Variants in ITGA9 observed in about 807,000 individuals in gnomAD.
ITGA9 encodes the protein integrin subunit alpha 9.
A neutral mutation model predicts 127.8 loss-of-function variants in ITGA9; 56 were observed. That is an observed-to-expected ratio of 0.44 (90% CI 0.35 to 0.55). The LOEUF is 0.55. Ranked by LOEUF, ITGA9 falls within the 20% of genes least tolerant of loss-of-function variation. The pLI is 0.00. For synonymous variants in ITGA9, 508 were observed against 514.5 expected (o/e 0.99, Z 0.17); for missense variants, 1,196 against 1,347.1 (o/e 0.89, Z 1.76).
intron 15 of ITGA9, among the ~76,000 whole-genome samples, chr3:37,547,730 T>C (rs944990873): frequency 5.3e-5 from 8 of 152,170 alleles, no homozygotes; most frequent in African/African-American, 1.9e-4. Flanking sequence ...AAAAAACAGT[T>C]GCAGGGTTTG....
At chr3:37,660,658 C>G (rs935137155) in intron 17 of ITGA9, among the ~76,000 whole-genome samples, 8 of 152,094 alleles carry the variant, frequency 5.3e-5, no homozygotes, top group Non-Finnish European at 1.0e-4. Flanking sequence ...CCATATGTAT[C>G]AGCTACCAAT....
chr3:37,521,645 G>C (rs9877204), intron 11 of ITGA9, among the ~76,000 whole-genome samples: 5,474 of 152,238 alleles, frequency 0.036, 306 homozygotes, highest in African/African-American at 0.12. Context: ...GATAACTTAA[G>C]CCTGCATCAC....
Position 37,553,171 on chromosome 3 carries a change from A to G in ITGA9, c.1689+10586A>G, listed in dbSNP as rs1043384336. ...TATTCGTACTTCTTACCTGTTTGAG[A>G]GTAAGTCGGAGACGCGATGCCCCCT... On this transcript the variant is annotated intron_variant, in intron 15 of 27. Transcript: ENST00000264741. 3.7e-4 allele frequency among the ~76,000 whole-genome samples: 56 copies of G among 152,196 alleles called. 1 individual carries two copies. The highest frequency in any genetic ancestry group is 1.6e-4 in the Non-Finnish European group (11 of 68,044).
intron 9 of ITGA9, among the ~76,000 whole-genome samples, chr3:37,515,547 G>A (rs1187120172): frequency 1.3e-5 from 2 of 152,174 alleles, no homozygotes; most frequent in Non-Finnish European, 2.9e-5. Flanking sequence ...AGACCAGCCT[G>A]GCCAACATGG....
chr3:37,621,098 C>T lies in ITGA9; in HGVS notation c.1690-8089C>T, dbSNP rs979369509. Among the ~76,000 whole-genome samples, 5 of 151,412 alleles carry T rather than the reference C, an allele frequency of 3.3e-5. No individual in the cohort carries two copies. In the South Asian group the frequency reaches 1.0e-3, roughly 31 times the overall value. On this transcript the variant is annotated intron_variant, in intron 15 of 27. Coordinates refer to ENST00000264741, the MANE Select transcript of ITGA9 (RefSeq NM_002207.3). ...AATCATGGGGGTGATTTTCCCCATA[C>T]TGTTCTTATGGTAGTGAATAAGTCT... is the stretch of plus-strand genomic sequence containing the variant.
At chr3:37,664,513 C>T (rs554549058) in intron 17 of ITGA9, among the ~76,000 whole-genome samples, 46 of 151,014 alleles carry the variant, frequency 3.0e-4, no homozygotes, top group Admixed American at 1.3e-3. Flanking sequence ...CTCCACCTCC[C>T]GGGCTCAAGC....
chr3:37,635,652 T>C (rs1377059577), intron 16 of ITGA9, among the ~76,000 whole-genome samples: 7 of 152,182 alleles, frequency 4.6e-5, no homozygotes, highest in Admixed American at 4.6e-4. Flanking sequence ...TATTATACTT[T>C]AAGTTTTAGG....
chr3:37,810,508 C>T (rs980777343), intron 27 of ITGA9, among the ~76,000 whole-genome samples: 6 of 152,026 alleles, frequency 3.9e-5, no homozygotes, highest in Admixed American at 2.0e-4. Context: ...CTCCGCCTCC[C>T]GGGTTCAAGC....
intron 17 of ITGA9, among the ~76,000 whole-genome samples, chr3:37,656,134 C>T (rs1575182431): frequency 1.3e-5 from 2 of 152,252 alleles, no homozygotes; most frequent in Admixed American, 6.5e-5. Flanking sequence ...CATGATGCCT[C>T]CAGCTTTGTT....
chr3:37,460,170 A>G (rs1698301418), intron 1 of ITGA9, among the ~76,000 whole-genome samples: 1 of 152,164 alleles, frequency 6.6e-6, no homozygotes, highest in African/African-American at 2.4e-5. Context: ...GAATTGGGGA[A>G]GGTAGCCATG....
chr3:37,473,491 G>A lies in ITGA9; in HGVS notation c.420+31G>A, dbSNP rs751389038. 8 of 1,512,582 alleles carry A rather than the reference G, an allele frequency of 5.3e-6. No individual in the cohort carries two copies. The East Asian group carries it at 1.8e-4, about 34-fold the overall frequency. The allele number at this position is 1,512,582 out of a possible 1,614,324, so 93.7% of individuals were successfully genotyped here. A position where few individuals can be genotyped will look rare whatever the true frequency, so the allele number is the denominator to read the frequency against. ...TCCCTCCTGGGGGTGCTGTGGGAAG[G>A]GGGTGGCACTCTGAGAATGAATGAT... On this transcript the variant is annotated intron_variant, in intron 3 of 27. Coordinates refer to ENST00000264741, the MANE Select transcript of ITGA9 (RefSeq NM_002207.3).
intron 16 of ITGA9, among the ~76,000 whole-genome samples, chr3:37,649,971 A>G (rs1700414580): frequency 6.6e-6 from 1 of 152,260 alleles, no homozygotes; most frequent in Non-Finnish European, 1.5e-5. Context: ...AGCTTGATCA[A>G]CACAGCTCTC....
At chr3:37,474,206 C>G (rs1698467082) in intron 3 of ITGA9, among the ~76,000 whole-genome samples, 1 of 152,172 alleles carries the variant, frequency 6.6e-6, no homozygotes, top group Non-Finnish European at 1.5e-5. Flanking sequence ...ATTTGAGACT[C>G]CTGAGATCCT....
At chr3:37,581,231 C>T (rs1038562165) in intron 15 of ITGA9, among the ~76,000 whole-genome samples, 5 of 152,214 alleles carry the variant, frequency 3.3e-5, no homozygotes, top group Middle Eastern at 3.4e-3. Flanking sequence ...GTGGACAAGA[C>T]GGCTGGACTA....
In ITGA9 at chr3:37,819,663, T is replaced by G. The variant is rs1697487582; in HGVS notation, c.*674T>G. On this transcript the variant is annotated 3_prime_UTR_variant, in exon 28 of 28. Coordinates refer to ENST00000264741, the MANE Select transcript of ITGA9 (RefSeq NM_002207.3). ...AAAGAACTGTAAGTGTTTTTTCATATGTACTTTTCATTGGAAGATTCCCAA... is the reference window on the plus strand; with the variant it reads ...AAAGAACTGTAAGTGTTTTTTCATAGGTACTTTTCATTGGAAGATTCCCAA... 6.6e-6 allele frequency: 1 copy of G among 152,412 alleles called. No homozygotes were observed. The highest frequency in any genetic ancestry group is 1.5e-5 in the Non-Finnish European group (1 of 68,230). The allele number at this position is 152,412 out of a possible 1,614,324, so 9.4% of individuals were successfully genotyped here. A position where few individuals can be genotyped will look rare whatever the true frequency, so the allele number is the denominator to read the frequency against.
intron 26 of ITGA9, among the ~76,000 whole-genome samples, chr3:37,798,726 G>A (rs542846981): frequency 1.8e-4 from 28 of 152,262 alleles, no homozygotes; most frequent in Admixed American, 7.2e-4. Flanking sequence ...GCCTTGTAGG[G>A]TATTAGCCAG....
At chr3:37,634,309 G>T (rs995981560) in intron 16 of ITGA9, among the ~76,000 whole-genome samples, 1 of 150,280 alleles carries the variant, frequency 6.7e-6, no homozygotes, top group African/African-American at 2.4e-5. Context: ...GTGGTTAAAT[G>T]GATTTAAAAA....
chr3:37,706,384 G>A lies in ITGA9; in HGVS notation c.2067+22369G>A, dbSNP rs867117288. Among the ~76,000 whole-genome samples the A allele has an allele frequency of 4.6e-5, 7 of 152,314 alleles. No individual in the cohort carries two copies. The Middle Eastern group carries it at 0.01, about 222-fold the overall frequency. On this transcript the variant is annotated intron_variant, in intron 18 of 27. Coordinates refer to ENST00000264741, the MANE Select transcript of ITGA9 (RefSeq NM_002207.3). ...AGATGTAATGACTCAAGGGTAAATGGTACCTGTCAGTTGCAACGCCTGAAA... is the reference window on the plus strand; with the variant it reads ...AGATGTAATGACTCAAGGGTAAATGATACCTGTCAGTTGCAACGCCTGAAA...
chr3:37,791,286 G>A (rs1169623272), intron 26 of ITGA9, among the ~76,000 whole-genome samples: 1 of 152,214 alleles, frequency 6.6e-6, no homozygotes, highest in Non-Finnish European at 1.5e-5. Context: ...TTTTCAAATA[G>A]CAGAATACAT....
Sources: gnomAD v4.1 joint callset for allele counts (sites outside exome capture counted in the v4.1 genomes callset) on GRCh38, gnomAD v4.1.1 for gene constraint, MANE v1.5 for transcripts, NCBI Gene and HGNC (gene_info 2026-07-23, HGNC 2026-07-21) for gene names.